SLC44A1: variants seen among roughly 807,000 people sequenced by gnomAD.
The protein encoded by SLC44A1 is choline transporter-like protein 1.
A neutral mutation model predicts 79.3 loss-of-function variants in SLC44A1; 26 were observed. The observed-to-expected ratio is 0.33, with a 90% confidence interval of 0.24 to 0.46. SLC44A1 has a LOEUF of 0.46. SLC44A1 is among the 20% of genes least tolerant of loss of function. The probability of loss-of-function intolerance (pLI) is 1.00; values close to 1 mark genes in which losing one functional copy is unlikely to be tolerated. For synonymous variants in SLC44A1, 263 were observed against 286.2 expected, an observed-to-expected ratio of 0.92 and a Z score of 0.82; for missense variants, 688 against 798.1, an observed-to-expected ratio of 0.86 and a Z score of 1.66.
At chr9:105,349,167 T>C (rs1027477887) in intron 5 of SLC44A1, among the ~76,000 whole-genome samples, 1 of 152,204 alleles carries the variant, frequency 6.6e-6, no homozygotes, top group East Asian at 1.9e-4. Context: ...TCTGTATATG[T>C]GTGTATGTAT....
intron 3 of SLC44A1, among the ~76,000 whole-genome samples, chr9:105,329,813 C>T (rs1826694173): frequency 6.6e-6 from 1 of 152,036 alleles, no homozygotes; most frequent in African/African-American, 2.4e-5. Flanking sequence ...TAGAGTGCTC[C>T]CTTCCCCATC....
intron 1 of SLC44A1, among the ~76,000 whole-genome samples, chr9:105,272,410 T>C (rs185677097): frequency 1.8e-4 from 27 of 152,316 alleles, no homozygotes; most frequent in Non-Finnish European, 3.2e-4. Context: ...ACAGTTAATC[T>C]TTTCATAATC....
intron 15 of SLC44A1, among the ~76,000 whole-genome samples, chr9:105,408,149 G>A (rs369849001): frequency 1.4e-4 from 22 of 152,114 alleles, no homozygotes; most frequent in African/African-American, 5.1e-4. Flanking sequence ...CTGAGATTCC[G>A]TCTCAAAAAA....
intron 8 of SLC44A1, among the ~76,000 whole-genome samples, chr9:105,362,390 T>TG (rs1253176740): frequency 1.3e-5 from 2 of 152,020 alleles, no homozygotes; most frequent in African/African-American, 4.8e-5. Flanking sequence ...AGATGGGATG[T>TG]GGGGGTGGGA....
In SLC44A1 at chr9:105,393,714, TA is replaced by T. The variant is rs1828816338; in HGVS notation, c.*4661del. 1.0e-6 allele frequency: 1 copy of T among 984,808 alleles called. No individual in the cohort carries two copies. Among genetic ancestry groups the T allele is most frequent in the African/African-American group, 1.7e-5 (1 of 57,240 alleles). 61.0% of individuals were successfully genotyped at this position (984,808 alleles called of 1,614,324 possible). A position where few individuals can be genotyped will look rare whatever the true frequency, so the allele number is the denominator to read the frequency against. On this transcript the variant is annotated 3_prime_UTR_variant, in exon 16 of 16. Transcript: ENST00000374720. Reference sequence around the variant, plus strand: ...TATTGCATGAACAATTGCCACTTTGTAAATTATATGGACAGAATGTGTTCTA... The same window carrying T: ...TATTGCATGAACAATTGCCACTTTGTAATTATATGGACAGAATGTGTTCTA...
intron 1 of SLC44A1, among the ~76,000 whole-genome samples, chr9:105,282,629 A>C (rs913658836): frequency 5.3e-5 from 8 of 152,008 alleles, no homozygotes; most frequent in African/African-American, 1.9e-4. Flanking sequence ...GCTCACTGCA[A>C]CCACCGCCTC....
At chr9:105,307,598 C>T (rs1355520560) in intron 2 of SLC44A1, among the ~76,000 whole-genome samples, 2 of 150,272 alleles carry the variant, frequency 1.3e-5, no homozygotes, top group Non-Finnish European at 2.9e-5. Flanking sequence ...GAGCCGAGAT[C>T]GTGCCACTGT....
intron 1 of SLC44A1, among the ~76,000 whole-genome samples, chr9:105,246,617 T>C (rs1829459252): frequency 6.6e-6 from 1 of 152,194 alleles, no homozygotes; most frequent in African/African-American, 2.4e-5. Context: ...AGTTGGGTGC[T>C]CTTTAATATT....
At chr9:105,430,289 ACATAT>A (rs1170134708) in intron 15 of SLC44A1, among the ~76,000 whole-genome samples, 2 of 152,214 alleles carry the variant, frequency 1.3e-5, no homozygotes, top group Non-Finnish European at 2.9e-5. Context: ...GATATCATTA[ACATAT>A]CATAACACTG....
chr9:105,412,955 A>G (rs866137673), intron 15 of SLC44A1, among the ~76,000 whole-genome samples: 2 of 152,284 alleles, frequency 1.3e-5, no homozygotes, highest in Middle Eastern at 3.4e-3. Flanking sequence ...TAAATGAATG[A>G]GAGTGTTTTC....
intron 4 of SLC44A1, among the ~76,000 whole-genome samples, chr9:105,337,496 G>T (rs1175185536): frequency 1.3e-5 from 2 of 152,146 alleles, no homozygotes; most frequent in African/African-American, 2.4e-5. Context: ...CTAATGGAAT[G>T]TAATAGTCTT....
chr9:105,405,825 A>T (rs1180109436), intron 15 of SLC44A1, among the ~76,000 whole-genome samples: 1 of 152,190 alleles, frequency 6.6e-6, no homozygotes, highest in African/African-American at 2.4e-5. Context: ...CCTGTGGTGA[A>T]GAATAACAGA....
chr9:105,309,541 C>G (rs1015741284), intron 2 of SLC44A1, among the ~76,000 whole-genome samples, 183 bp from the exon 3 acceptor site: 1 of 152,110 alleles, frequency 6.6e-6, no homozygotes, highest in South Asian at 2.1e-4. Flanking sequence ...ATAGTGTTTC[C>G]CTATGGACTT....
At chr9:105,380,214 A>G (rs1360167221) in intron 13 of SLC44A1, among the ~76,000 whole-genome samples, 5 of 152,214 alleles carry the variant, frequency 3.3e-5, no homozygotes, top group African/African-American at 1.2e-4. Context: ...ACTAAGTACT[A>G]ATTCCGTAAT....
chr9:105,375,835 G>A, intron 13 of SLC44A1, among the ~76,000 whole-genome samples: 1 of 151,980 alleles, frequency 6.6e-6, no homozygotes, highest in Non-Finnish European at 1.5e-5. Context: ...TTTAAATTGA[G>A]GAAAGAGAAA....
intron 1 of SLC44A1, among the ~76,000 whole-genome samples, chr9:105,285,698 A>G (rs1476850077): frequency 6.6e-6 from 1 of 152,248 alleles, no homozygotes; most frequent in Non-Finnish European, 1.5e-5. Flanking sequence ...GGGGAGAATT[A>G]CAAAGAACCT....
At chr9:105,363,847 A>T (rs1473001427) in intron 9 of SLC44A1, among the ~76,000 whole-genome samples, 3 of 152,226 alleles carry the variant, frequency 2.0e-5, no homozygotes, top group African/African-American at 7.2e-5. Flanking sequence ...TTTTGAAATG[A>T]TCATGAATTT....
rs185299309 is a variant in SLC44A1 at position 105,363,399 on chromosome 9, G to T, written c.1087+392G>T. Among the ~76,000 whole-genome samples the T allele has an allele frequency of 3.5e-3, 526 of 152,068 alleles. 2 individuals carry two copies. The highest frequency in any genetic ancestry group is 0.012 in the African/African-American group (513 of 41,472). On this transcript the variant is annotated intron_variant, in intron 9 of 15. Coordinates refer to ENST00000374720, the MANE Select transcript of SLC44A1 (RefSeq NM_080546.5). ...GCTGGTCTCGAACTCCTGACCTCAT[G>T]ATCAGGTCAGGACGCCTGCCTTGGC...
intron 1 of SLC44A1, among the ~76,000 whole-genome samples, chr9:105,280,917 A>G (rs2131252748): frequency 6.6e-6 from 1 of 152,278 alleles, no homozygotes; most frequent in South Asian, 2.1e-4. Flanking sequence ...AGCTGGTGTG[A>G]GTCAATGTGA....
Sources: gnomAD v4.1 joint callset for allele counts (sites outside exome capture counted in the v4.1 genomes callset) on GRCh38, gnomAD v4.1.1 for gene constraint, MANE v1.5 for transcripts, NCBI Gene and HGNC (gene_info 2026-07-23, HGNC 2026-07-21) for gene names.